MRC2: variants seen among roughly 807,000 people sequenced by gnomAD.
MRC2 encodes mannose receptor C-type 2.
Under a neutral mutation model 206.2 loss-of-function variants are expected in MRC2, and 84 were observed. That is an observed-to-expected ratio of 0.41 (90% CI 0.34 to 0.49). The LOEUF is 0.49. Ranked by LOEUF, MRC2 falls within the 20% of genes least tolerant of loss-of-function variation. The pLI, the probability that MRC2 is intolerant of heterozygous loss-of-function variation, is 0.31. For synonymous variants in MRC2, 798 were observed against 800.0 expected (o/e 1.00, Z 0.04); for missense variants, 1,676 against 2,001.5 (o/e 0.84, Z 3.10).
rs375704195 is a variant in MRC2 at position 62,636,606 on chromosome 17, T to C, written c.118+8686T>C. On this transcript the variant is annotated intron_variant, in intron 1 of 29. Transcript: ENST00000303375. ...ACCTCAGCCTCCCGAGTAGCTGGGA[T>C]TACAGGCACTCACCACCACGCCTGG... Among the ~76,000 whole-genome samples the C allele has an allele frequency of 5.7e-4, 87 of 151,774 alleles. 1 individual carries two copies. The South Asian group carries it at 0.011, about 20-fold the overall frequency.
At chr17:62,657,202 A>G (rs1188405298) in intron 1 of MRC2, among the ~76,000 whole-genome samples, 1 of 152,214 alleles carries the variant, frequency 6.6e-6, no homozygotes, top group African/African-American at 2.4e-5. Context: ...ACAGATTGTT[A>G]TCGTTGCCAT....
In MRC2 at chr17:62,627,871, G is replaced by A; in HGVS notation, c.69G>A (p.Gly23=). The change falls in exon 1 of 30, where the codon GGG becomes GGA. Residue 23 remains glycine (G), a synonymous_variant. Coordinates refer to ENST00000303375, the MANE Select transcript of MRC2 (RefSeq NM_006039.5). ...TGCTGCGCTGCGTCCTGCTCCTCGG[G>A]TGCCTGCACCTCGGCCGTCCCGGCG... The part of the protein sequence containing the change: ...RHLLRCVLLL[G]CLHLGRPGAP... The A allele has an allele frequency of 1.4e-6, 2 of 1,475,922 alleles. No individual in the cohort carries two copies. The highest frequency in any genetic ancestry group is 1.8e-6 in the Non-Finnish European group (2 of 1,120,562). 91.4% of individuals were successfully genotyped at this position (1,475,922 alleles called of 1,614,324 possible).
In MRC2 at chr17:62,664,557, T is replaced by A. The variant is rs2088723197; in HGVS notation, c.128T>A (p.Val43Asp). The stretch of plus-strand genomic sequence containing the variant: ...TTGCCTTCCCTTCCAGAACCCAACG[T>A]CTTCCTCATCTTCAGCCATGGACTG... ...PGDAALPEPN[V>D]FLIFSHGLQG... is the part of the protein sequence containing the mutation. The change falls in exon 2 of 30, where the codon GTC becomes GAC. Residue 43 changes from valine to aspartate, a missense_variant. Transcript: ENST00000303375. This position sits in a 1 kb window ranked among gnomAD's most constrained non-coding sequence, Gnocchi z 4.7. The A allele has an allele frequency of 6.2e-7, 1 of 1,610,182 alleles. No homozygotes were observed.
intron 6 of MRC2, among the ~76,000 whole-genome samples, chr17:62,670,658 G>A (rs1170039482): frequency 6.6e-6 from 1 of 152,250 alleles, no homozygotes; most frequent in Non-Finnish European, 1.5e-5. Context: ...CATGGAAATC[G>A]GGGCAAGGGA....
chr17:62,632,482 TG>T (rs769083051), intron 1 of MRC2, among the ~76,000 whole-genome samples: 5 of 152,160 alleles, frequency 3.3e-5, no homozygotes, highest in African/African-American at 4.8e-5. Flanking sequence ...CTCTGGTTTT[TG>T]TTGTAGAAGA....
intron 1 of MRC2, among the ~76,000 whole-genome samples, chr17:62,659,572 A>G (rs1210089514): frequency 2.0e-5 from 3 of 151,910 alleles, no homozygotes; most frequent in Non-Finnish European, 4.4e-5. Context: ...CTTTCAGCAC[A>G]TGAATTTTTG....
At chr17:62,682,095 G>A in intron 19 of MRC2, 140 bp from the exon 20 acceptor site, 2 of 1,132,042 alleles carry the variant, frequency 1.8e-6, no homozygotes, top group Non-Finnish European at 2.5e-6. Context: ...CCATGGTCCA[G>A]AAGACTTGAA....
Position 62,677,383 on chromosome 17 carries a change from C to A in MRC2, c.1949C>A (p.Thr650Asn), listed in dbSNP as rs1342244610. ...TACATCTGCCGGCAGAGCCTGGGCA[C>A]TCCAGTGACGCCGGAGCTGCCGGGG... is the stretch of plus-strand genomic sequence containing the variant. ...ARYICRQSLG[T>N]PVTPELPGPD... is the part of the protein sequence containing the mutation. The change falls in exon 12 of 30, where the codon ACT becomes AAT. Residue 650 changes from threonine to asparagine, a missense_variant. This residue lies in a region of MRC2 where 1,354 missense variants were observed against 1,636.6 expected (regional missense o/e 0.83). Transcript: ENST00000303375. 6.8e-6 allele frequency: 11 copies of A among 1,610,890 alleles called. No homozygotes were observed. Among genetic ancestry groups the A allele is most frequent in the Non-Finnish European group, 9.3e-6 (11 of 1,179,200 alleles).
Position 62,678,650 on chromosome 17 carries a change from C to T in MRC2, c.2195+4C>T. ...ACATGCTCAACAAGATCTTCGGGTA[C>T]TGAGCCGGGCTGAGGCGTGTTAGGA... On this transcript the variant is annotated splice_donor_region_variant and intron_variant, in intron 13 of 29. Transcript: ENST00000303375. 6.2e-7 allele frequency: 1 copy of T among 1,609,572 alleles called. No individual in the cohort carries two copies. The highest frequency in any genetic ancestry group is 1.7e-5 in the Admixed American group (1 of 59,128).
At position 62,672,808 on chromosome 17, in the gene MRC2, A is replaced by T; in HGVS notation, c.1461+656A>T. ...GGAGTTCGAGACCAGCCTGGCCAACATGGTGAAACCCCATCTCTACTAAAA... is the reference window on the plus strand; with the variant it reads ...GGAGTTCGAGACCAGCCTGGCCAACTTGGTGAAACCCCATCTCTACTAAAA... On this transcript the variant is annotated intron_variant, in intron 8 of 29. Coordinates refer to ENST00000303375, the MANE Select transcript of MRC2 (RefSeq NM_006039.5). This position sits in a 1 kb window ranked among gnomAD's most constrained non-coding sequence, Gnocchi z 4.5. Among the ~76,000 whole-genome samples, 1 of 152,144 alleles carries T rather than the reference A, an allele frequency of 6.6e-6. No individual in the cohort carries two copies. Among genetic ancestry groups the T allele is most frequent in the Middle Eastern group, 3.2e-3 (1 of 316 alleles).
At chr17:62,634,358 T>C (rs910807083) in intron 1 of MRC2, among the ~76,000 whole-genome samples, 7 of 152,084 alleles carry the variant, frequency 4.6e-5, no homozygotes, top group African/African-American at 1.7e-4. Flanking sequence ...TGAAGTGCGA[T>C]GGCGTGGTCT....
intron 8 of MRC2, among the ~76,000 whole-genome samples, chr17:62,673,499 C>T (rs562537740): frequency 7.3e-4 from 103 of 141,876 alleles, no homozygotes; most frequent in Non-Finnish European, 1.1e-3. Flanking sequence ...TGTAAAAGGA[C>T]GCCTTTCCTT....
At chr17:62,689,484 A>G in intron 23 of MRC2, 38 bp from the exon 24 acceptor site, 2 of 1,369,064 alleles carry the variant, frequency 1.5e-6, no homozygotes, top group Non-Finnish European at 2.0e-6. Flanking sequence ...GGGTGAGGGA[A>G]GCAGAGCCCA....
intron 1 of MRC2, among the ~76,000 whole-genome samples, chr17:62,658,694 G>C (rs2088646454): frequency 6.6e-6 from 1 of 152,236 alleles, no homozygotes; most frequent in African/African-American, 2.4e-5. Context: ...GTGGGCTCAC[G>C]TGAAGTTTTG....
intron 28 of MRC2, 51 bp downstream of exon 28, chr17:62,691,179 G>C: frequency 3.3e-6 from 5 of 1,534,756 alleles, no homozygotes; most frequent in Non-Finnish European, 4.4e-6. Flanking sequence ...CGTGCCGCTG[G>C]TCCTGGGCTG....
intron 12 of MRC2, among the ~76,000 whole-genome samples, chr17:62,677,948 G>A (rs1294174981): frequency 6.6e-6 from 1 of 152,194 alleles, no homozygotes; most frequent in African/African-American, 2.4e-5. Context: ...TACTCGGGAG[G>A]CTGAGGCAGG....
At chr17:62,663,367 A>G (rs1409193466) in intron 1 of MRC2, among the ~76,000 whole-genome samples, 1 of 152,022 alleles carries the variant, frequency 6.6e-6, no homozygotes, top group Non-Finnish European at 1.5e-5. Context: ...CATTTAAAAC[A>G]TATATTTAAT....
intron 1 of MRC2, among the ~76,000 whole-genome samples, chr17:62,650,262 T>A (rs1303306145): frequency 6.6e-6 from 1 of 152,184 alleles, no homozygotes; most frequent in Non-Finnish European, 1.5e-5. Context: ...GGTACAAGCA[T>A]GATACTATAT....
chr17:62,666,707 G>C lies in MRC2; in HGVS notation c.860-50G>C. Reference sequence around the variant, plus strand: ...TTGGGGAGAGGGCGATGGGGAGCGGGGGAGGCTGGGGCTGGGGATCCCCTG... The same window carrying C: ...TTGGGGAGAGGGCGATGGGGAGCGGCGGAGGCTGGGGCTGGGGATCCCCTG... On this transcript the variant is annotated intron_variant, in intron 4 of 29. Coordinates refer to ENST00000303375, the MANE Select transcript of MRC2 (RefSeq NM_006039.5). The surrounding 1 kb of genome is among the most constrained non-coding windows in gnomAD (Gnocchi z 5.0). 1 of 1,595,132 alleles carries C rather than the reference G, an allele frequency of 6.3e-7. No homozygotes were observed. The highest frequency in any genetic ancestry group is 8.6e-7 in the Non-Finnish European group (1 of 1,169,174).
Sources: allele counts gnomAD v4.1 joint callset (sites outside exome capture counted in the v4.1 genomes callset), GRCh38; gene constraint gnomAD v4.1.1; regional missense constraint gnomAD v4.1.1; non-coding constraint Gnocchi (gnomAD v3.1); transcripts MANE v1.5; gene names NCBI Gene and HGNC (gene_info 2026-07-23, HGNC 2026-07-21).